RGS3: variants seen among roughly 807,000 people sequenced by gnomAD.
RGS3 encodes regulator of G protein signaling 3.
In RGS3, 80 loss-of-function variants were observed where a neutral mutation model predicts 132.6. That is an observed-to-expected ratio of 0.60 (90% CI 0.50 to 0.73). RGS3 has a LOEUF of 0.73. Among genes scored for constraint, RGS3 ranks in the 30% least tolerant of loss-of-function variants. The probability of loss-of-function intolerance (pLI) is 0.00; values close to 1 mark genes in which losing one functional copy is unlikely to be tolerated. For synonymous variants in RGS3, 598 were observed against 620.6 expected, an observed-to-expected ratio of 0.96 and a Z score of 0.54; for missense variants, 1,382 against 1,530.8, an observed-to-expected ratio of 0.90 and a Z score of 1.62.
chr9:113,515,094 T>A (rs1445861753), intron 15 of RGS3, among the ~76,000 whole-genome samples: 1 of 152,190 alleles, frequency 6.6e-6, no homozygotes, highest in Non-Finnish European at 1.5e-5. Context: ...TGGCCTGTAT[T>A]CACTGGTGGC....
At chr9:113,583,577 T>C (rs746131021) in exon 20 of RGS3, 2 of 1,614,092 alleles carry the variant, frequency 1.2e-6, no homozygotes, top group South Asian at 2.2e-5. Flanking sequence ...GGACAAGACC[T>C]TCCACCCAAC....
At chr9:113,535,293 C>T in intron 18 of RGS3, among the ~76,000 whole-genome samples, 1 of 152,146 alleles carries the variant, frequency 6.6e-6, no homozygotes, top group East Asian at 1.9e-4. Context: ...CCTGCCTCGG[C>T]CTCCTGAGCA....
intron 8 of RGS3, 30 bp from the exon 7 acceptor site, chr9:113,497,284 C>G (rs1232285104): frequency 6.3e-7 from 1 of 1,574,852 alleles, no homozygotes; most frequent in Admixed American, 1.7e-5. Context: ...CCTCCTGTGT[C>G]TGAGCGTGCC....
In RGS3 at chr9:113,594,994, G is replaced by A; in HGVS notation, c.3244+14G>A. On this transcript the variant is annotated intron_variant, in intron 23 of 24. Coordinates refer to ENST00000350696, the Ensembl canonical transcript of RGS3. The stretch of plus-strand genomic sequence containing the variant: ...TGGTTCACAAATGTAAGTTGGGCCT[G>A]CCTGCCCACTCCCTGTGCCCTCTCT... The A allele has an allele frequency of 1.2e-6, 2 of 1,613,226 alleles. No homozygotes were observed. The highest frequency in any genetic ancestry group is 1.7e-6 in the Non-Finnish European group (2 of 1,179,218).
intron 19 of RGS3, among the ~76,000 whole-genome samples, chr9:113,555,392 T>C (rs1431465577): frequency 6.6e-6 from 1 of 152,230 alleles, no homozygotes. Flanking sequence ...TCATGTCGGC[T>C]GGACCATACT....
In RGS3 at chr9:113,584,306, C is replaced by G; in HGVS notation, c.2894C>G (p.Ser965Ter). The G allele has an allele frequency of 1.2e-6, 2 of 1,607,300 alleles. No homozygotes were observed. The highest frequency in any genetic ancestry group is 1.7e-6 in the Non-Finnish European group (2 of 1,178,016). Residue 965 changes from serine (S) to a stop codon, truncating the protein, a stop_gained, in exon 20 of 25, where the codon TCA (serine) becomes TGA (stop). Transcript: ENST00000350696. LOFTEE classifies it high-confidence loss of function. The stretch of plus-strand genomic sequence containing the variant: ...GCCTCCGACACCACCTTGCACTGCT[C>G]AGACGGTGAGGGCGCCGCCTCCACC...
chr9:113,534,212 C>T (rs1418422372), intron 18 of RGS3, among the ~76,000 whole-genome samples: 1 of 152,240 alleles, frequency 6.6e-6, no homozygotes, highest in Non-Finnish European at 1.5e-5. Flanking sequence ...GGAACAGCTT[C>T]TCCCAAACAT....
chr9:113,585,977 G>A (rs759440538), intron 20 of RGS3, among the ~76,000 whole-genome samples: 18 of 152,218 alleles, frequency 1.2e-4, no homozygotes, highest in Non-Finnish European at 2.5e-4. Context: ...ACACTGTGGT[G>A]TGCTCCGGAA....
intron 1 of RGS3, among the ~76,000 whole-genome samples, chr9:113,450,163 G>C (rs1183085977): frequency 2.6e-5 from 4 of 152,034 alleles, no homozygotes; most frequent in Non-Finnish European, 5.9e-5. Flanking sequence ...TCGCCTCCCG[G>C]GTTCAAGTGA....
chr9:113,512,157 C>T (rs1349353933), intron 14 of RGS3, among the ~76,000 whole-genome samples: 1 of 152,190 alleles, frequency 6.6e-6, no homozygotes, highest in Non-Finnish European at 1.5e-5. Context: ...TTCAGGGTTA[C>T]ACAGACTGTC....
chr9:113,471,148 T>C (rs915917004), intron 3 of RGS3, among the ~76,000 whole-genome samples: 2 of 152,174 alleles, frequency 1.3e-5, no homozygotes, highest in Non-Finnish European at 2.9e-5. Flanking sequence ...GAAATCGAGC[T>C]GTAGTCCCTG....
At chr9:113,499,985 G>A (rs1267612175) in intron 10 of RGS3, among the ~76,000 whole-genome samples, 2 of 152,302 alleles carry the variant, frequency 1.3e-5, no homozygotes, top group Admixed American at 1.3e-4. Flanking sequence ...CAAGCACAGA[G>A]AGGATGGTGA....
At chr9:113,514,498 G>C (rs574442241) in exon 15 of RGS3, 1 of 1,614,198 alleles carries the variant, frequency 6.2e-7, no homozygotes, top group South Asian at 1.1e-5. Context: ...ACACAGGCCT[G>C]GGGAAGAAGT....
Position 113,576,330 on chromosome 9 carries a change from GTTCT to G in RGS3, c.2038-7113_2038-7110del, listed in dbSNP as rs915756069. Among the ~76,000 whole-genome samples the G allele has an allele frequency of 7.5e-5, 11 of 147,564 alleles. No individual in the cohort carries two copies. In the East Asian group the frequency reaches 1.2e-3, roughly 16 times the overall value. On this transcript the variant is annotated intron_variant, in intron 19 of 24. Transcript: ENST00000350696. ...ATGGTCCTGTGAAGTTCACTGGATT[GTTCT>G]TTCTTTTTTTTTTTTTGAGACAGAG...
intron 19 of RGS3, among the ~76,000 whole-genome samples, chr9:113,552,194 G>A (rs1417481856): frequency 6.6e-6 from 1 of 152,002 alleles, no homozygotes; most frequent in African/African-American, 2.4e-5. Flanking sequence ...ATAGTATGAG[G>A]CAGATTACTT....
At chr9:113,497,948 C>A (rs753376542) in intron 9 of RGS3, 77 bp from the exon 8 acceptor site, 50 of 1,462,856 alleles carry the variant, frequency 3.4e-5, no homozygotes, top group Non-Finnish European at 4.6e-5. Context: ...TTTCCCAGTG[C>A]TGTCCTCTGG....
chr9:113,467,243 C>A (rs768530979), intron 3 of RGS3, among the ~76,000 whole-genome samples: 6 of 152,100 alleles, frequency 3.9e-5, no homozygotes, highest in Non-Finnish European at 7.4e-5. Context: ...ACAGTATATA[C>A]CTAGGAGTAG....
At chr9:113,574,848 G>A (rs1834439759) in intron 19 of RGS3, among the ~76,000 whole-genome samples, 1 of 152,198 alleles carries the variant, frequency 6.6e-6, no homozygotes, top group Admixed American at 6.5e-5. Context: ...GAGCCCCAGG[G>A]GGCCTGGAGT....
chr9:113,571,031 T>C (rs9657641), intron 19 of RGS3, among the ~76,000 whole-genome samples: 18,052 of 152,276 alleles, frequency 0.12, 1,281 homozygotes, highest in African/African-American at 0.19. Context: ...TGACTTCTTT[T>C]GATCAGCATT....
Sources: gnomAD v4.1 joint callset for allele counts (sites outside exome capture counted in the v4.1 genomes callset) on GRCh38, gnomAD v4.1.1 for gene constraint, MANE v1.5 for transcripts, NCBI Gene and HGNC (gene_info 2026-07-23, HGNC 2026-07-21) for gene names.